Variants in NEK11 observed in about 807,000 individuals in gnomAD.
The protein encoded by NEK11 is serine/threonine-protein kinase Nek11.
NEK11 carries 72 observed loss-of-function variants against 80.7 expected under a neutral mutation model. The observed-to-expected ratio is 0.89, with a 90% CI of 0.74 to 1.08. NEK11 has a LOEUF of 1.08. Among genes scored for constraint, NEK11 ranks in the 50% least tolerant of loss-of-function variants. The probability of loss-of-function intolerance (pLI) is 0.00; values close to 1 mark genes in which losing one functional copy is unlikely to be tolerated. For missense variants in NEK11, 764 were observed against 763.6 expected (o/e 1.00, Z -0.01); for synonymous variants, 251 against 260.7 (o/e 0.96, Z 0.36).
intron 14 of NEK11, among the ~76,000 whole-genome samples, chr3:131,226,173 A>G (rs1045255358): frequency 4.6e-5 from 7 of 152,170 alleles, no homozygotes; most frequent in Non-Finnish European, 7.4e-5. Flanking sequence ...TGGGCAAGAG[A>G]AGGAAGACAT....
intron 14 of NEK11, among the ~76,000 whole-genome samples, chr3:131,198,035 C>G (rs1424538671): frequency 1.3e-5 from 2 of 152,282 alleles, no homozygotes; most frequent in African/African-American, 2.4e-5. Context: ...CCCTTTCTCT[C>G]CATATTGCTG....
At position 131,073,194 on chromosome 3, in the gene NEK11, T is replaced by G. The variant is rs145323373; in HGVS notation, c.171-7229T>G. ...GAGACATGTGCTCAAGTCATTTCTA[T>G]TTTGCTTATTTATACAGATGGGAAA... On this transcript the variant is annotated intron_variant, in intron 3 of 17. Transcript: ENST00000383366. Among the ~76,000 whole-genome samples the G allele has an allele frequency of 3.0e-3, 462 of 152,296 alleles. 1 individual carries two copies. Among genetic ancestry groups the G allele is most frequent in the Middle Eastern group, 6.8e-3 (2 of 294 alleles).
intron 12 of NEK11, among the ~76,000 whole-genome samples, chr3:131,168,361 A>ATTTT (rs1560756543): frequency 5.1e-5 from 7 of 138,370 alleles, no homozygotes; most frequent in Admixed American, 1.4e-4. Context: ...ATTTTTATTT[A>ATTTT]TTTATTTTTT....
chr3:131,235,905 A>T (rs577105939), intron 15 of NEK11, among the ~76,000 whole-genome samples: 1 of 152,344 alleles, frequency 6.6e-6, no homozygotes, highest in South Asian at 2.1e-4. Flanking sequence ...AAAGGAGAAG[A>T]AAAGGAGATT....
At chr3:131,319,880 C>A (rs1366626696) in intron 17 of NEK11, among the ~76,000 whole-genome samples, 1 of 151,942 alleles carries the variant, frequency 6.6e-6, no homozygotes, top group African/African-American at 2.4e-5. Context: ...AAAAACAAGT[C>A]TCCAAGTAAA....
At chr3:131,216,701 T>A (rs949397429) in intron 14 of NEK11, among the ~76,000 whole-genome samples, 3 of 152,208 alleles carry the variant, frequency 2.0e-5, no homozygotes, top group Non-Finnish European at 4.4e-5. Context: ...ATACCTGGAC[T>A]GTTCATTTCT....
At position 131,247,832 on chromosome 3, in the gene NEK11, T is replaced by C. The variant is rs533646899; in HGVS notation, c.1621+4336T>C. ...TTTTCACTTATTTGGTTAAATGTAT[T>C]CCTAGGGTTTTTTTTTTTTTGTAGC... On this transcript the variant is annotated intron_variant, in intron 16 of 17. Coordinates refer to ENST00000383366, the MANE Select transcript of NEK11 (RefSeq NM_024800.5). Among the ~76,000 whole-genome samples the C allele has an allele frequency of 1.0e-4, 11 of 105,586 alleles. No individual in the cohort carries two copies. The South Asian group carries it at 4.6e-3, about 44-fold the overall frequency. The allele number at this position is 105,586 out of a possible 152,430, so 69.3% of individuals were successfully genotyped here. A position where few individuals can be genotyped will look rare whatever the true frequency, so the allele number is the denominator to read the frequency against.
At chr3:131,255,392 C>T (rs932630666) in intron 16 of NEK11, among the ~76,000 whole-genome samples, 15 of 152,096 alleles carry the variant, frequency 9.9e-5, no homozygotes, top group African/African-American at 3.4e-4. Flanking sequence ...TCAAAGCACT[C>T]TCCTTGTTTG....
intron 14 of NEK11, among the ~76,000 whole-genome samples, chr3:131,195,870 G>A (rs910181444): frequency 6.8e-6 from 1 of 147,422 alleles, no homozygotes; most frequent in Admixed American, 6.8e-5. Flanking sequence ...TTTCATAAGT[G>A]TAGGAGCTCT....
chr3:131,036,557 G>A (rs1232155524), intron 3 of NEK11, among the ~76,000 whole-genome samples: 1 of 152,178 alleles, frequency 6.6e-6, no homozygotes, highest in Non-Finnish European at 1.5e-5. Flanking sequence ...GTTCTTGTGA[G>A]GTACAATAAA....
intron 3 of NEK11, among the ~76,000 whole-genome samples, chr3:131,044,771 C>G (rs1449494080): frequency 6.6e-6 from 1 of 152,066 alleles, no homozygotes; most frequent in Non-Finnish European, 1.5e-5. Context: ...ACCAAGCAGA[C>G]CTGATAGACA....
chr3:131,065,967 C>T (rs1270491222), intron 3 of NEK11, among the ~76,000 whole-genome samples: 1 of 152,138 alleles, frequency 6.6e-6, no homozygotes, highest in African/African-American at 2.4e-5. Context: ...TGGCCTAAGA[C>T]ACAAGAGTCC....
chr3:131,198,742 C>T (rs1236157125), intron 14 of NEK11, among the ~76,000 whole-genome samples: 1 of 152,164 alleles, frequency 6.6e-6, no homozygotes, highest in Non-Finnish European at 1.5e-5. Flanking sequence ...AAAGTCTTGT[C>T]CCGTTGGCAA....
intron 3 of NEK11, 96 bp from the exon 4 acceptor site, chr3:131,080,327 A>G (rs2075059148): frequency 1.1e-6 from 1 of 879,816 alleles, no homozygotes; most frequent in Non-Finnish European, 1.7e-6. Context: ...AGTAGGTCAC[A>G]ACCTGGGCAT....
At chr3:131,151,399 A>G (rs1156821465) in intron 7 of NEK11, among the ~76,000 whole-genome samples, 12 of 152,100 alleles carry the variant, frequency 7.9e-5, no homozygotes, top group Admixed American at 6.5e-4. Context: ...CAGTGTACAT[A>G]TCCAAAATTC....
chr3:131,181,124 G>A (rs986176568), intron 14 of NEK11, among the ~76,000 whole-genome samples: 1 of 152,216 alleles, frequency 6.6e-6, no homozygotes, highest in African/African-American at 2.4e-5. Context: ...GTTACAGATG[G>A]AACTAAGGTT....
intron 3 of NEK11, among the ~76,000 whole-genome samples, chr3:131,062,267 G>T (rs1420170156): frequency 2.6e-5 from 4 of 152,166 alleles, no homozygotes; most frequent in African/African-American, 4.8e-5. Flanking sequence ...GTACATGGCA[G>T]CTCCTATTTT....
chr3:131,314,463 T>G (rs2096816149), intron 17 of NEK11, among the ~76,000 whole-genome samples: 3 of 152,348 alleles, frequency 2.0e-5, no homozygotes, highest in South Asian at 4.1e-4. Flanking sequence ...ACCATGACAT[T>G]CACAGAAACT....
At chr3:131,198,953 T>C (rs552371683) in intron 14 of NEK11, among the ~76,000 whole-genome samples, 1 of 152,308 alleles carries the variant, frequency 6.6e-6, no homozygotes, top group South Asian at 2.1e-4. Context: ...CTTTAGGGTT[T>C]TGGGATGAGG....
Sources: gnomAD v4.1 joint callset for allele counts (sites outside exome capture counted in the v4.1 genomes callset) on GRCh38, gnomAD v4.1.1 for gene constraint, MANE v1.5 for transcripts, NCBI Gene and HGNC (gene_info 2026-07-23, HGNC 2026-07-21) for gene names.